Variants in AFAP1L2 observed in about 807,000 individuals in gnomAD.
The protein encoded by AFAP1L2 is actin filament-associated protein 1-like 2.
AFAP1L2 carries 46 observed loss-of-function variants against 99.3 expected under a neutral mutation model. That is an observed-to-expected ratio of 0.46 (90% CI 0.37 to 0.59). The LOEUF is 0.59. Ranked by LOEUF, AFAP1L2 falls within the 20% of genes least tolerant of loss-of-function variation. The probability of loss-of-function intolerance (pLI) is 0.00; values close to 1 mark genes in which losing one functional copy is unlikely to be tolerated. For missense variants in AFAP1L2, 959 were observed against 1,034.9 expected, an observed-to-expected ratio of 0.93 and a Z score of 1.01; for synonymous variants, 397 against 419.1, an observed-to-expected ratio of 0.95 and a Z score of 0.64.
chr10:114,384,016 C>T (rs1043283866), intron 1 of AFAP1L2, among the ~76,000 whole-genome samples: 4 of 152,216 alleles, frequency 2.6e-5, no homozygotes, highest in African/African-American at 9.7e-5. Flanking sequence ...TCCCTTGGCC[C>T]CAGTGCCCTT....
the AFAP1L2 span, chr10:114,281,142 C>T: frequency 1.3e-5 from 2 of 152,254 alleles, no homozygotes; most frequent in Non-Finnish European, 2.9e-5. Flanking sequence ...ATTGGCCTGC[C>T]CCTGTGTGGG....
Position 114,352,401 on chromosome 10 carries a change from G to C in AFAP1L2, c.17-11670C>G, listed in dbSNP as rs143098851. Among the ~76,000 whole-genome samples the C allele has an allele frequency of 3.5e-3, 513 of 144,784 alleles. 13 individuals carry two copies. Among genetic ancestry groups the C allele is most frequent in the Admixed American group, 0.027 (374 of 13,898 alleles). 95.0% of individuals were successfully genotyped at this position (144,784 alleles called of 152,430 possible). On this transcript the variant is annotated intron_variant, in intron 1 of 18. Coordinates refer to ENST00000304129, the MANE Select transcript of AFAP1L2 (RefSeq NM_001001936.3). Reference sequence around the variant, plus strand: ...AGGCAGGAGAATCGCTTGAGCCAGGGAGGCAGAGGTTGCAGTGATCCAAGA... The same window carrying C: ...AGGCAGGAGAATCGCTTGAGCCAGGCAGGCAGAGGTTGCAGTGATCCAAGA...
At position 114,295,119 on chromosome 10, in the gene AFAP1L2, A is replaced by ACTTTGTT; in HGVS notation, c.*916_*922dup. ...GCGATCACCCTAACCAAAAATCACCACTTTGTTCTTGGAAGGAGAATGAAC... is the reference window on the plus strand; with the variant it reads ...GCGATCACCCTAACCAAAAATCACCACTTTGTTCTTTGTTCTTGGAAGGAGAATGAAC... On this transcript the variant is annotated 3_prime_UTR_variant, in exon 19 of 19. Transcript: ENST00000304129. 1 of 985,750 alleles carries ACTTTGTT rather than the reference A, an allele frequency of 1.0e-6. No individual in the cohort carries two copies. Among genetic ancestry groups the ACTTTGTT allele is most frequent in the Non-Finnish European group, 1.2e-6 (1 of 829,898 alleles). The allele number at this position is 985,750 out of a possible 1,614,324, so 61.1% of individuals were successfully genotyped here. A position where few individuals can be genotyped will look rare whatever the true frequency, so the allele number is the denominator to read the frequency against.
In AFAP1L2 at chr10:114,300,349, A is replaced by G; in HGVS notation, c.1802T>C (p.Leu601Ser). ...ENLGEQQLES[L>S]EPEDPSLRIT... ...TCTCAGGGAAGGATCCTCTGGCTCC[A>G]AACTCTCCAGCTGCTTTGGGGGAAA... The change falls in exon 15 of 19, where the codon TTG becomes TCG. Residue 601 changes from leucine (L) to serine (S), a missense_variant. Physicochemically the swap from Leu to Ser is moderately radical, Grantham distance 145. Transcript: ENST00000304129. 6.2e-7 allele frequency: 1 copy of G among 1,614,180 alleles called. No homozygotes were observed. Among genetic ancestry groups the G allele is most frequent in the East Asian group, 2.2e-5 (1 of 44,876 alleles).
At chr10:114,388,086 A>G (rs894443805) in intron 1 of AFAP1L2, among the ~76,000 whole-genome samples, 1 of 152,174 alleles carries the variant, frequency 6.6e-6, no homozygotes, top group Non-Finnish European at 1.5e-5. Flanking sequence ...GATATGCTCA[A>G]ATTTTTCCTG....
chr10:114,401,622 CATACTCCCCGATCCCTT>C (rs757447685), intron 1 of AFAP1L2, among the ~76,000 whole-genome samples: 1 of 152,190 alleles, frequency 6.6e-6, no homozygotes, highest in African/African-American at 2.4e-5. Context: ...GGGACTCCCA[CATACTCCCCGATCCCTT>C]ATTTTTGCTT....
intron 4 of AFAP1L2, 39 bp downstream of exon 4, chr10:114,331,764 T>C (rs759516496): frequency 5.7e-5 from 74 of 1,295,408 alleles, no homozygotes; most frequent in Middle Eastern, 3.9e-4. Flanking sequence ...TTCAAGGGGC[T>C]CACGTCAGGG....
chr10:114,323,915 T>G (rs2045794348), intron 4 of AFAP1L2, among the ~76,000 whole-genome samples: 1 of 152,112 alleles, frequency 6.6e-6, no homozygotes, highest in Admixed American at 6.5e-5. Context: ...CAGGAGGGTG[T>G]GAGGAATATT....
intron 18 of AFAP1L2, 115 bp downstream of exon 18, chr10:114,296,863 G>A: frequency 6.4e-7 from 1 of 1,559,610 alleles, no homozygotes; most frequent in Non-Finnish European, 8.8e-7. Flanking sequence ...TGAGTGCCGA[G>A]CCCTTGCTCA....
downstream of AFAP1L2, among the ~76,000 whole-genome samples, chr10:114,294,645 ATGT>A (rs2039910529): frequency 6.6e-6 from 1 of 152,160 alleles, no homozygotes; most frequent in Admixed American, 6.5e-5. Flanking sequence ...TGTCTTTGGT[ATGT>A]TGTTAACTGT....
chr10:114,303,995 T>C (rs554780098), intron 11 of AFAP1L2, among the ~76,000 whole-genome samples: 2 of 152,366 alleles, frequency 1.3e-5, no homozygotes, highest in African/African-American at 2.4e-5. Flanking sequence ...GGAGTCCATA[T>C]TGCTCTTGTC....
At chr10:114,326,054 G>A (rs1564876573) in intron 4 of AFAP1L2, 3 of 1,286,790 alleles carry the variant, frequency 2.3e-6, no homozygotes, top group Non-Finnish European at 3.0e-6. Context: ...GAGTCGAACA[G>A]GACAAAGGGA....
chr10:114,310,013 C>T lies in AFAP1L2; in HGVS notation c.882+341G>A, dbSNP rs139485561. On this transcript the variant is annotated intron_variant, in intron 8 of 18. Transcript: ENST00000304129. Reference sequence around the variant, plus strand: ...CGCTATCTCAGCTCACTGCAACCTCCGCCTCCTGGGTTCAAGTGATTCTCC... The same window carrying T: ...CGCTATCTCAGCTCACTGCAACCTCTGCCTCCTGGGTTCAAGTGATTCTCC... 6.4e-3 allele frequency among the ~76,000 whole-genome samples: 967 copies of T among 152,264 alleles called. 11 individuals carry two copies. Among genetic ancestry groups the T allele is most frequent in the African/African-American group, 0.022 (912 of 41,552 alleles).
chr10:114,299,468 T>C (rs2040776806), intron 15 of AFAP1L2, 53 bp from the exon 16 acceptor site: 1 of 1,605,526 alleles, frequency 6.2e-7, no homozygotes, highest in African/African-American at 1.3e-5. Context: ...TCATGAGGGC[T>C]GTCCCCAGTC....
chr10:114,331,327 C>T (rs2047200915), intron 4 of AFAP1L2, among the ~76,000 whole-genome samples: 1 of 152,262 alleles, frequency 6.6e-6, no homozygotes, highest in South Asian at 2.1e-4. Flanking sequence ...CTATGTTGCT[C>T]AGGTTGGCCT....
chr10:114,318,559 T>G (rs901161586), intron 5 of AFAP1L2, among the ~76,000 whole-genome samples: 1 of 151,240 alleles, frequency 6.6e-6, no homozygotes, highest in East Asian at 2.0e-4. Flanking sequence ...GCCAACATGG[T>G]GAAACCCTGT....
At chr10:114,341,455 A>G (rs1377937140) in intron 1 of AFAP1L2, among the ~76,000 whole-genome samples, 8 of 152,184 alleles carry the variant, frequency 5.3e-5, no homozygotes, top group Non-Finnish European at 8.8e-5. Flanking sequence ...TCTACTAAAA[A>G]TACAAAAATT....
intron 1 of AFAP1L2, among the ~76,000 whole-genome samples, chr10:114,355,884 G>A (rs1162861612): frequency 6.6e-6 from 1 of 152,124 alleles, no homozygotes; most frequent in African/African-American, 2.4e-5. Context: ...GAGGTAGGAG[G>A]AGAATCTGAG....
chr10:114,364,037 A>G (rs1033011194), intron 1 of AFAP1L2, among the ~76,000 whole-genome samples: 20 of 152,242 alleles, frequency 1.3e-4, no homozygotes, highest in African/African-American at 4.8e-4. Context: ...ATCTTTGAGC[A>G]GCAATTGTTG....
Sources: gnomAD v4.1 joint callset for allele counts (sites outside exome capture counted in the v4.1 genomes callset) on GRCh38, gnomAD v4.1.1 for gene constraint, MANE v1.5 for transcripts, NCBI Gene and HGNC (gene_info 2026-07-23, HGNC 2026-07-21) for gene names.